The following SOX6 variants were observed in gnomAD, a reference collection of about 807,000 sequenced individuals.
SOX6 encodes transcription factor SOX-6.
SOX6 carries 11 observed loss-of-function variants against 97.8 expected under a neutral mutation model. That is an observed-to-expected ratio of 0.11 (90% CI 0.07 to 0.19). The LOEUF is 0.19. SOX6 is among the 10% of genes least tolerant of loss of function. The probability of loss-of-function intolerance (pLI) is 1.00; values close to 1 mark genes in which losing one functional copy is unlikely to be tolerated. For synonymous variants in SOX6, 360 were observed against 371.4 expected, an observed-to-expected ratio of 0.97 and a Z score of 0.35; for missense variants, 810 against 1,039.5, an observed-to-expected ratio of 0.78 and a Z score of 3.04.
intron 1 of SOX6, among the ~76,000 whole-genome samples, chr11:16,382,729 A>G (rs1196195279): frequency 6.6e-6 from 1 of 151,882 alleles, no homozygotes; most frequent in African/African-American, 2.4e-5. Context: ...CTCCAATTTT[A>G]GGTGTTTTTG....
intron 4 of SOX6, among the ~76,000 whole-genome samples, chr11:16,554,826 C>T (rs542359899): frequency 2.6e-5 from 4 of 151,872 alleles, no homozygotes; most frequent in Admixed American, 6.6e-5. Context: ...AAGAGAGAGA[C>T]GAGCAAAGAA....
At chr11:16,390,838 C>T (rs1200611712) in intron 1 of SOX6, among the ~76,000 whole-genome samples, 1 of 152,224 alleles carries the variant, frequency 6.6e-6, no homozygotes, top group African/African-American at 2.4e-5. Context: ...AATCCCATTA[C>T]TGGGCATATA....
intron 4 of SOX6, chr11:16,567,416 T>A (rs1847884128): frequency 6.6e-6 from 1 of 152,186 alleles, no homozygotes; most frequent in South Asian, 2.1e-4. Context: ...AACCTTTCAA[T>A]CAAAACACAA....
At chr11:16,464,665 T>TAA (rs1859994414) in intron 1 of SOX6, among the ~76,000 whole-genome samples, 1 of 152,174 alleles carries the variant, frequency 6.6e-6, no homozygotes, top group African/African-American at 2.4e-5. Context: ...TGCTTCTTGG[T>TAA]CATAGTTACA....
chr11:15,997,748 C>T (rs960147946), intron 13 of SOX6, among the ~76,000 whole-genome samples: 2 of 152,148 alleles, frequency 1.3e-5, no homozygotes, highest in Admixed American at 6.6e-5. Context: ...CTACCGAATG[C>T]TTTCTCTAAA....
intron 6 of SOX6, among the ~76,000 whole-genome samples, chr11:16,116,275 T>C (rs1007473741): frequency 1.3e-5 from 2 of 152,190 alleles, no homozygotes; most frequent in South Asian, 2.1e-4. Context: ...GTGATTTACA[T>C]ACTCTATCTC....
chr11:16,253,640 T>C (rs1590066534), intron 3 of SOX6, among the ~76,000 whole-genome samples: 1 of 151,542 alleles, frequency 6.6e-6, no homozygotes, highest in South Asian at 2.1e-4. Context: ...AAAGAATCTG[T>C]GAACTAGAGG....
intron 7 of SOX6, among the ~76,000 whole-genome samples, chr11:16,107,481 T>C (rs1849125188): frequency 6.7e-6 from 1 of 149,334 alleles, no homozygotes; most frequent in South Asian, 2.1e-4. Context: ...TTTTAATGTA[T>C]GCTACAATAT....
intron 9 of SOX6, among the ~76,000 whole-genome samples, chr11:16,079,894 C>T (rs1848435116): frequency 6.6e-6 from 1 of 151,788 alleles, no homozygotes; most frequent in African/African-American, 2.4e-5. Context: ...GAAATGATAC[C>T]TTATATATAT....
At position 16,575,019 on chromosome 11, in the gene SOX6, G is replaced by A. The variant is rs1222494072; in HGVS notation, n.609+37062C>T. The stretch of plus-strand genomic sequence containing the variant: ...CACACCACTGCACTCCATCCTGGGT[G>A]ACAGAGTGAGACTCTGTCTCAAAAA... On this transcript the variant is annotated intron_variant and non_coding_transcript_variant, in intron 4 of 5. Transcript: ENST00000524520. Among the ~76,000 whole-genome samples, 3 of 150,820 alleles carry A rather than the reference G, an allele frequency of 2.0e-5. 1 individual carries two copies. The highest frequency in any genetic ancestry group is 3.9e-4 in the East Asian group (2 of 5,158).
intron 1 of SOX6, among the ~76,000 whole-genome samples, chr11:16,394,195 C>T (rs1002410167): frequency 7.3e-5 from 11 of 151,540 alleles, no homozygotes; most frequent in African/African-American, 2.4e-4. Flanking sequence ...AAAAAGGCAC[C>T]ATCAGAATTC....
chr11:16,055,709 C>T (rs374178909), intron 10 of SOX6, 43 bp downstream of exon 10: 2 of 1,612,784 alleles, frequency 1.2e-6, no homozygotes, highest in African/African-American at 2.7e-5. Context: ...TCTTGTGAAA[C>T]TTTTTTCTAA....
intron 6 of SOX6, among the ~76,000 whole-genome samples, chr11:16,152,794 C>T (rs544111468): frequency 1.5e-4 from 23 of 151,650 alleles, no homozygotes; most frequent in African/African-American, 4.6e-4. Flanking sequence ...GGGTCTCACT[C>T]TATCGCCCAG....
intron 1 of SOX6, among the ~76,000 whole-genome samples, chr11:16,405,947 G>A (rs1482434242): frequency 6.6e-6 from 1 of 152,032 alleles, no homozygotes; most frequent in Non-Finnish European, 1.5e-5. Context: ...TCTCGACAAA[G>A]GGTATATTGT....
intron 6 of SOX6, among the ~76,000 whole-genome samples, chr11:16,174,706 G>T (rs1851137085): frequency 6.6e-6 from 1 of 151,858 alleles, no homozygotes; most frequent in South Asian, 2.1e-4. Context: ...ACTTACAGGA[G>T]ATGGCATACA....
intron 3 of SOX6, among the ~76,000 whole-genome samples, chr11:16,664,346 C>T (rs531017029): frequency 6.6e-6 from 1 of 152,286 alleles, no homozygotes; most frequent in South Asian, 2.1e-4. Context: ...TCCCCTGGCA[C>T]AGGCCACAAG....
intron 6 of SOX6, among the ~76,000 whole-genome samples, chr11:16,174,808 T>C (rs1851141358): frequency 6.6e-6 from 1 of 152,072 alleles, no homozygotes; most frequent in South Asian, 2.1e-4. Context: ...TTTAAAAAGC[T>C]ATAAAATAAA....
intron 1 of SOX6, among the ~76,000 whole-genome samples, chr11:16,458,164 C>A (rs1404887662): frequency 2.6e-5 from 4 of 151,924 alleles, no homozygotes; most frequent in Non-Finnish European, 4.4e-5. Flanking sequence ...CTTTCCTTCC[C>A]AATCAAAAAT....
chr11:16,385,045 C>T lies in SOX6; in HGVS notation c.-4-43793G>A, dbSNP rs200718398. On this transcript the variant is annotated intron_variant, in intron 1 of 15. Coordinates refer to the SOX6 transcript ENST00000396356. ...GAGTGAAAAGCAGAATAAAAAGGCACAAAGTACTAACTAGGACATTGTAAA... is the reference window on the plus strand; with the variant it reads ...GAGTGAAAAGCAGAATAAAAAGGCATAAAGTACTAACTAGGACATTGTAAA... Among the ~76,000 whole-genome samples, 10 of 152,110 alleles carry T rather than the reference C, an allele frequency of 6.6e-5. No homozygotes were observed. The East Asian group carries it at 1.9e-3, about 29-fold the overall frequency.
Sources: gnomAD v4.1 joint callset for allele counts (sites outside exome capture counted in the v4.1 genomes callset) on GRCh38, gnomAD v4.1.1 for gene constraint, MANE v1.5 for transcripts, NCBI Gene and HGNC (gene_info 2026-07-23, HGNC 2026-07-21) for gene names.